NR6A1: variants seen among roughly 807,000 people sequenced by gnomAD.
NR6A1 encodes nuclear receptor subfamily 6 group A member 1, also known as retinoic acid receptor-related testis-associated receptor.
A neutral mutation model predicts 59.1 loss-of-function variants in NR6A1; 7 were observed. The ratio of observed to expected loss-of-function variants is 0.12; its 90% CI spans 0.07 to 0.22. The LOEUF (loss-of-function observed/expected upper bound fraction) is 0.22, where lower values mean the gene tolerates loss of function less well. NR6A1 is among the 10% of genes least tolerant of loss of function. NR6A1 has a pLI of 1.00. For synonymous variants in NR6A1, 243 were observed against 236.1 expected (o/e 1.03, Z -0.27); for missense variants, 468 against 611.6 (o/e 0.77, Z 2.48).
rs1482622875 is a variant in NR6A1 at position 124,518,473 on chromosome 9, C to T, written c.*4232G>A. 1 of 152,016 alleles carries T rather than the reference C, an allele frequency of 6.6e-6. No individual in the cohort carries two copies. Among genetic ancestry groups the T allele is most frequent in the Non-Finnish European group, 1.5e-5 (1 of 68,012 alleles). 9.4% of individuals were successfully genotyped at this position (152,016 alleles called of 1,614,324 possible). A position where few individuals can be genotyped will look rare whatever the true frequency, so the allele number is the denominator to read the frequency against. On this transcript the variant is annotated 3_prime_UTR_variant, in exon 10 of 10. Transcript: ENST00000487099. ...AGCCTAGAGAGGAGTTTCTGGGGAT[C>T]CTGTAATTAAATACACATCCCTGAG...
At chr9:124,601,343 G>A (rs112865871) in intron 2 of NR6A1, among the ~76,000 whole-genome samples, 11 of 151,940 alleles carry the variant, frequency 7.2e-5, no homozygotes, top group African/African-American at 2.2e-4. Flanking sequence ...CCAACACTTC[G>A]GGAGGCCAAG....
intron 2 of NR6A1, among the ~76,000 whole-genome samples, chr9:124,662,157 A>G (rs929951152): frequency 6.6e-6 from 1 of 152,204 alleles, no homozygotes; most frequent in African/African-American, 2.4e-5. Flanking sequence ...GAAGTTACAA[A>G]GAATATTAGA....
chr9:124,721,145 T>A (rs1218552753), intron 2 of NR6A1, among the ~76,000 whole-genome samples: 1 of 152,142 alleles, frequency 6.6e-6, no homozygotes, highest in Non-Finnish European at 1.5e-5. Context: ...ATTCAAGCAA[T>A]CCCTTCACCC....
intron 3 of NR6A1, among the ~76,000 whole-genome samples, chr9:124,548,984 G>A (rs1833690107): frequency 6.6e-6 from 1 of 152,132 alleles, no homozygotes; most frequent in African/African-American, 2.4e-5. Flanking sequence ...TGAGTTATTT[G>A]CTGAAGGACC....
At chr9:124,593,241 G>A (rs1460828163) in intron 2 of NR6A1, among the ~76,000 whole-genome samples, 2 of 152,082 alleles carry the variant, frequency 1.3e-5, no homozygotes, top group Non-Finnish European at 2.9e-5. Context: ...TAACACACTA[G>A]GAACATCTGT....
chr9:124,597,614 A>G (rs1161240228), intron 2 of NR6A1, among the ~76,000 whole-genome samples: 2 of 152,214 alleles, frequency 1.3e-5, no homozygotes, highest in Non-Finnish European at 2.9e-5. Flanking sequence ...TTGATTTTCA[A>G]GGTGAGTCCA....
chr9:124,700,754 CTTTTTT>C lies in NR6A1; in HGVS notation c.142+32548_142+32553del, dbSNP rs35704226. ...TGCTATCAATAAACATTTACATAGC[CTTTTTT>C]TTTTTTTTTTTTTTTTTTGAGACAA... On this transcript the variant is annotated intron_variant, in intron 2 of 9. Transcript: ENST00000487099. Among the ~76,000 whole-genome samples the C allele has an allele frequency of 9.9e-5, 9 of 91,288 alleles. No homozygotes were observed. In the South Asian group the frequency reaches 2.7e-3, roughly 28 times the overall value. The allele number at this position is 91,288 out of a possible 152,430, so 59.9% of individuals were successfully genotyped here. A position where few individuals can be genotyped will look rare whatever the true frequency, so the allele number is the denominator to read the frequency against.
chr9:124,708,328 T>C (rs1256920901), intron 2 of NR6A1, among the ~76,000 whole-genome samples: 4 of 152,134 alleles, frequency 2.6e-5, no homozygotes, highest in East Asian at 3.8e-4. Flanking sequence ...CTGGGAGAAA[T>C]AGGAACAGGC....
At chr9:124,654,917 CCAAA>C (rs1262320849) in intron 2 of NR6A1, among the ~76,000 whole-genome samples, 84 of 146,718 alleles carry the variant, frequency 5.7e-4, no homozygotes, top group African/African-American at 1.8e-3. Context: ...CACACACCTG[CCAAA>C]CAAACAGAAT....
chr9:124,718,581 T>C lies in NR6A1; in HGVS notation c.142+14727A>G, dbSNP rs144376528. ...TGGCAGCTAAAATGAGAGAGAATTT[T>C]TTAAATGCATGTCTTTTTTCTTAAT... On this transcript the variant is annotated intron_variant, in intron 2 of 9. Transcript: ENST00000487099. Among the ~76,000 whole-genome samples, 662 of 152,290 alleles carry C rather than the reference T, an allele frequency of 4.3e-3. 5 individuals are homozygous for C. Among genetic ancestry groups the C allele is most frequent in the African/African-American group, 0.015 (617 of 41,566 alleles).
At chr9:124,717,361 T>C (rs1472149031) in intron 2 of NR6A1, among the ~76,000 whole-genome samples, 1 of 152,166 alleles carries the variant, frequency 6.6e-6, no homozygotes, top group Non-Finnish European at 1.5e-5. Context: ...AAATAAACTA[T>C]GGTACGGTCA....
intron 2 of NR6A1, among the ~76,000 whole-genome samples, chr9:124,721,577 T>C (rs1839566307): frequency 6.6e-6 from 1 of 152,148 alleles, no homozygotes; most frequent in African/African-American, 2.4e-5. Context: ...CTTAAGTTGC[T>C]TCAGGAAAGA....
chr9:124,626,105 A>G (rs1291431777), intron 2 of NR6A1, among the ~76,000 whole-genome samples: 2 of 152,232 alleles, frequency 1.3e-5, no homozygotes, highest in African/African-American at 4.8e-5. Flanking sequence ...CTGCGGGCTC[A>G]AGCAATTCTC....
At chr9:124,698,741 GCTAT>G (rs1345636504) in intron 2 of NR6A1, 1 of 152,090 alleles carries the variant, frequency 6.6e-6, no homozygotes, top group Non-Finnish European at 1.5e-5. Context: ...GATACCTTCA[GCTAT>G]CTATCTGTCC....
At chr9:124,653,585 T>C (rs1837163911) in intron 2 of NR6A1, among the ~76,000 whole-genome samples, 1 of 152,146 alleles carries the variant, frequency 6.6e-6, no homozygotes, top group Admixed American at 6.5e-5. Flanking sequence ...AAATTTATTT[T>C]TTGTAGATAT....
intron 6 of NR6A1, among the ~76,000 whole-genome samples, chr9:124,537,473 A>G (rs1177801880): frequency 2.0e-5 from 3 of 152,180 alleles, no homozygotes; most frequent in Non-Finnish European, 4.4e-5. Flanking sequence ...AGACTAGCTT[A>G]AGAAATCTCA....
chr9:124,596,690 C>G (rs1262881312), intron 2 of NR6A1, among the ~76,000 whole-genome samples: 1 of 152,214 alleles, frequency 6.6e-6, no homozygotes, highest in Non-Finnish European at 1.5e-5. Context: ...TTCCCTGATT[C>G]ATGAACCACA....
At chr9:124,684,965 G>A (rs551662344) in intron 2 of NR6A1, among the ~76,000 whole-genome samples, 1 of 151,658 alleles carries the variant, frequency 6.6e-6, no homozygotes, top group Non-Finnish European at 1.5e-5. Flanking sequence ...CATCTATCTT[G>A]CAGATGGCCA....
At chr9:124,735,382 C>T (rs1354878140) in intron 1 of NR6A1, among the ~76,000 whole-genome samples, 1 of 152,212 alleles carries the variant, frequency 6.6e-6, no homozygotes, top group Non-Finnish European at 1.5e-5. Flanking sequence ...GTGAAATCTT[C>T]AAGGCTAGGG....
Sources: gnomAD v4.1 joint callset for allele counts (sites outside exome capture counted in the v4.1 genomes callset) on GRCh38, gnomAD v4.1.1 for gene constraint, MANE v1.5 for transcripts, NCBI Gene and HGNC (gene_info 2026-07-23, HGNC 2026-07-21) for gene names.